Variants in EVL observed in about 807,000 individuals in gnomAD.
EVL encodes ena/VASP-like protein.
In EVL, 21 loss-of-function variants were observed where a neutral mutation model predicts 59.6. The ratio of observed to expected loss-of-function variants is 0.35; its 90% confidence interval spans 0.25 to 0.51. EVL has a LOEUF of 0.51. Ranked by LOEUF, EVL falls within the 20% of genes least tolerant of loss-of-function variation. The probability of loss-of-function intolerance (pLI) is 0.97; values close to 1 mark genes in which losing one functional copy is unlikely to be tolerated. For missense variants in EVL, 462 were observed against 546.6 expected, an observed-to-expected ratio of 0.85 and a Z score of 1.54; for synonymous variants, 198 against 203.5, an observed-to-expected ratio of 0.97 and a Z score of 0.23.
chr14:100,130,218 C>G lies in EVL; in HGVS notation c.839+534C>G, dbSNP rs1326547631. Among the ~76,000 whole-genome samples the G allele has an allele frequency of 1.3e-5, 2 of 152,164 alleles. No homozygotes were observed. The highest frequency in any genetic ancestry group is 2.9e-5 in the Non-Finnish European group (2 of 68,036). The stretch of plus-strand genomic sequence containing the variant: ...TCTACATCCCGGCCGGGCTCTTGGG[C>G]CTGAGACCTGGCCATGTGTGTCTGC... On this transcript the variant is annotated intron_variant, in intron 7 of 13. Coordinates refer to ENST00000392920, the MANE Select transcript of EVL (RefSeq NM_016337.3). The surrounding 1 kb of genome is among the most constrained non-coding windows in gnomAD (Gnocchi z 4.8).
intron 1 of EVL, among the ~76,000 whole-genome samples, chr14:100,044,397 A>G (rs1431487203): frequency 6.6e-6 from 1 of 152,242 alleles, no homozygotes; most frequent in Admixed American, 6.5e-5. Context: ...GCTTACATAT[A>G]CATACAATAA....
chr14:100,123,191 G>T, intron 3 of EVL, among the ~76,000 whole-genome samples: 1 of 152,226 alleles, frequency 6.6e-6, no homozygotes, highest in East Asian at 1.9e-4. Context: ...CAGATTCAAT[G>T]TTAAAGGGTT....
chr14:100,023,009 T>C (rs993699801), intron 1 of EVL, among the ~76,000 whole-genome samples: 2 of 152,022 alleles, frequency 1.3e-5, no homozygotes, highest in Admixed American at 1.3e-4. Flanking sequence ...GCACTGATGG[T>C]TGTGATGATT....
chr14:100,070,330 C>G (rs571620805), intron 1 of EVL, among the ~76,000 whole-genome samples: 1 of 152,152 alleles, frequency 6.6e-6, no homozygotes, highest in African/African-American at 2.4e-5. Flanking sequence ...TGTCACTTGA[C>G]GGAGCTTTTG....
chr14:100,019,646 A>G (rs1355182302), intron 1 of EVL: 2 of 1,531,850 alleles, frequency 1.3e-6, no homozygotes, highest in East Asian at 2.5e-5. Flanking sequence ...AATCTAAGGA[A>G]ATTGTCTCTG....
chr14:100,061,150 G>T (rs1316768463), upstream of EVL, among the ~76,000 whole-genome samples: 1 of 152,016 alleles, frequency 6.6e-6, no homozygotes, highest in Admixed American at 6.6e-5. Flanking sequence ...CAGCCCTTTC[G>T]GAGGCTGAGG....
At position 100,124,780 on chromosome 14, in the gene EVL, C is replaced by T. The variant is rs193190570; in HGVS notation, c.422+1178C>T. ...TTTCTCTCGAAACTGCTTCATCACCCGCAGTGCTGAATTCTGTACCCCAGG... is the reference window on the plus strand; with the variant it reads ...TTTCTCTCGAAACTGCTTCATCACCTGCAGTGCTGAATTCTGTACCCCAGG... On this transcript the variant is annotated intron_variant, in intron 4 of 13. Coordinates refer to ENST00000392920, the MANE Select transcript of EVL (RefSeq NM_016337.3). 2.9e-3 allele frequency among the ~76,000 whole-genome samples: 441 copies of T among 152,298 alleles called. 2 individuals are homozygous for T. Among genetic ancestry groups the T allele is most frequent in the African/African-American group, 0.01 (423 of 41,572 alleles).
At chr14:100,129,714 G>A (rs1414187794) in intron 7 of EVL, 30 bp downstream of exon 7, 4 of 1,517,616 alleles carry the variant, frequency 2.6e-6, no homozygotes, top group Middle Eastern at 3.8e-4. Context: ...GAGACTTGGT[G>A]TGCCTAGCAG....
chr14:100,047,615 G>C (rs11620715), intron 1 of EVL, among the ~76,000 whole-genome samples: 94,987 of 151,530 alleles, frequency 0.63, 32,481 homozygotes, highest in Non-Finnish European at 0.75. Context: ...GGTTGGCAGT[G>C]CCTTGCTTAT....
chr14:100,099,397 C>T (rs1279849086), intron 3 of EVL, among the ~76,000 whole-genome samples: 1 of 152,136 alleles, frequency 6.6e-6, no homozygotes, highest in Non-Finnish European at 1.5e-5. Context: ...CACACACACA[C>T]ACACTGTAGG....
intron 1 of EVL, among the ~76,000 whole-genome samples, chr14:100,027,875 A>G (rs941929858): frequency 6.6e-6 from 1 of 152,106 alleles, no homozygotes; most frequent in African/African-American, 2.4e-5. Flanking sequence ...GGGTTCCCAC[A>G]TGTTGGCCAG....
Position 99,972,192 on chromosome 14 carries a change from C to G in EVL, c.5+135C>G, listed in dbSNP as rs1475211332. 5.0e-6 allele frequency: 1 copy of G among 198,186 alleles called. No individual in the cohort carries two copies. Among genetic ancestry groups the G allele is most frequent in the African/African-American group, 2.4e-5 (1 of 42,304 alleles). The allele number at this position is 198,186 out of a possible 1,614,324, so 12.3% of individuals were successfully genotyped here. A position where few individuals can be genotyped will look rare whatever the true frequency, so the allele number is the denominator to read the frequency against. On this transcript the variant is annotated intron_variant, in intron 1 of 13. Transcript: ENST00000402714. The surrounding 1 kb of genome is among the most constrained non-coding windows in gnomAD (Gnocchi z 4.4). ...GGGCTTCCAGAGAACCGCGGGGGCT[C>G]TGCAGAGATTCGGGGGCATTCAGAG...
chr14:100,110,658 T>C (rs748354), intron 3 of EVL, among the ~76,000 whole-genome samples: 143,509 of 152,238 alleles, frequency 0.94, 67,734 homozygotes, highest in East Asian at 1. Context: ...GGCACATTGG[T>C]AGTACTGTGC....
At chr14:100,040,153 G>A (rs1178481012) in intron 1 of EVL, among the ~76,000 whole-genome samples, 2 of 152,314 alleles carry the variant, frequency 1.3e-5, no homozygotes, top group East Asian at 1.9e-4. Context: ...CTTAGCAAAC[G>A]GCTCAATGCA....
chr14:100,055,177 C>T (rs891808291), intron 1 of EVL, among the ~76,000 whole-genome samples: 2 of 147,908 alleles, frequency 1.4e-5, no homozygotes, highest in Admixed American at 6.8e-5. Flanking sequence ...CCAGCCTGGG[C>T]GACAAGGGTG....
At chr14:99,984,752 C>T (rs570657079) in intron 1 of EVL, among the ~76,000 whole-genome samples, 1 of 152,150 alleles carries the variant, frequency 6.6e-6, no homozygotes, top group South Asian at 2.1e-4. Flanking sequence ...TAGCTGGAAT[C>T]ACAGGTGTGC....
chr14:100,091,643 C>T (rs557499956), intron 2 of EVL, among the ~76,000 whole-genome samples: 153 of 152,264 alleles, frequency 1.0e-3, no homozygotes, highest in Non-Finnish European at 1.9e-3. Flanking sequence ...CTTTCTTATG[C>T]CCTTTATTAA....
chr14:100,053,776 G>A (rs1255036324), intron 1 of EVL, among the ~76,000 whole-genome samples: 1 of 152,110 alleles, frequency 6.6e-6, no homozygotes, highest in Non-Finnish European at 1.5e-5. Flanking sequence ...AGCCTCCTGA[G>A]TAGCTGGGAC....
At chr14:100,087,232 G>A (rs2062464295) in intron 2 of EVL, among the ~76,000 whole-genome samples, 1 of 152,220 alleles carries the variant, frequency 6.6e-6, no homozygotes, top group African/African-American at 2.4e-5. Flanking sequence ...TATATAGTAA[G>A]TTATAGTACC....
Sources: allele counts gnomAD v4.1 joint callset (sites outside exome capture counted in the v4.1 genomes callset), GRCh38; gene constraint gnomAD v4.1.1; non-coding constraint Gnocchi (gnomAD v3.1); transcripts MANE v1.5; gene names NCBI Gene and HGNC (gene_info 2026-07-23, HGNC 2026-07-21).